ARID1A: variants seen among roughly 807,000 people sequenced by gnomAD.
ARID1A encodes AT-rich interaction domain 1A, also known as AT-rich interactive domain-containing protein 1A.
A neutral mutation model predicts 212.6 loss-of-function variants in ARID1A; 20 were observed. The observed-to-expected ratio is 0.09, with a 90% CI of 0.07 to 0.14. The LOEUF (loss-of-function observed/expected upper bound fraction) is 0.14. Among genes scored for constraint, ARID1A ranks in the 10% least tolerant of loss-of-function variants. The probability of loss-of-function intolerance (pLI) is 1.00; values close to 1 mark genes in which losing one functional copy is unlikely to be tolerated. For missense variants in ARID1A, 2,587 were observed against 3,059.0 expected (o/e 0.85, Z 3.64); for synonymous variants, 1,376 against 1,222.1 (o/e 1.13, Z -2.63).
chr1:26,709,439 G>A (rs1192729305), intron 1 of ARID1A, among the ~76,000 whole-genome samples: 1 of 152,088 alleles, frequency 6.6e-6, no homozygotes, highest in African/African-American at 2.4e-5. Context: ...GGCCAGAAGG[G>A]TGATGTAGGA....
intron 1 of ARID1A, among the ~76,000 whole-genome samples, chr1:26,702,658 A>G (rs2080342427): frequency 6.6e-6 from 1 of 152,180 alleles, no homozygotes; most frequent in Non-Finnish European, 1.5e-5. Context: ...TGGTGGAGTA[A>G]AATAACATTG....
chr1:26,703,649 G>T (rs1423802226), intron 1 of ARID1A, among the ~76,000 whole-genome samples: 2 of 152,156 alleles, frequency 1.3e-5, no homozygotes, highest in South Asian at 4.1e-4. Context: ...GCTTAATATT[G>T]CATGGTCCTT....
rs2124743559 is a variant in ARID1A, at chr1:26,697,189, G to C, written c.786G>C (p.Ser262=). 1 of 1,426,556 alleles carries C rather than the reference G, an allele frequency of 7.0e-7. No homozygotes were observed. Among genetic ancestry groups the C allele is most frequent in the Non-Finnish European group, 9.1e-7 (1 of 1,096,600 alleles). The allele number at this position is 1,426,556 out of a possible 1,614,324, so 88.4% of individuals were successfully genotyped here. The change falls in exon 1 of 20, where the codon TCG becomes TCC. Residue 262 remains serine (S), a synonymous_variant. Transcript: ENST00000324856. The stretch of plus-strand genomic sequence containing the variant: ...CCTCCAGCGCCTCCGCCTCCTCGTC[G>C]TCTTCGTCCTTCGCTCAGCAGCGCT... ...PPSSSASASS[S]SSSFAQQRFG... is the part of the protein sequence containing the mutation.
At chr1:26,714,773 C>T (rs1411886497) in intron 1 of ARID1A, among the ~76,000 whole-genome samples, 2 of 152,164 alleles carry the variant, frequency 1.3e-5, no homozygotes, top group African/African-American at 4.8e-5. Context: ...TTAATTGTGC[C>T]TGCTATAGTT....
At chr1:26,775,436 G>T in intron 18 of ARID1A, 141 bp from the exon 19 acceptor site, 1 of 1,399,400 alleles carries the variant, frequency 7.1e-7, no homozygotes, top group Non-Finnish European at 9.5e-7. Context: ...AGCCATGAGG[G>T]GCTGGTGTGT....
Position 26,766,270 on chromosome 1 carries a change from C to A in ARID1A, c.2782C>A (p.Pro928Thr), listed in dbSNP as rs762371741. 6.2e-7 allele frequency: 1 copy of A among 1,614,128 alleles called. No homozygotes were observed. Among genetic ancestry groups the A allele is most frequent in the Non-Finnish European group, 8.5e-7 (1 of 1,180,026 alleles). Residue 928 changes from proline to threonine, a missense_variant, in exon 9 of 20, where the codon CCT becomes ACT. Pro to Thr is a conservative substitution (Grantham distance 38, BLOSUM62 -1). Coordinates refer to ENST00000324856, the MANE Select transcript of ARID1A (RefSeq NM_006015.6). ...MNQGGMMGTG[P>T]PYGQGINSMA... Reference sequence around the variant, plus strand: ...TCAAGGGGGCATGATGGGAACTGGACCTCCTTATGGACAAGGGATTAATAG... The same window carrying A: ...TCAAGGGGGCATGATGGGAACTGGAACTCCTTATGGACAAGGGATTAATAG...
In ARID1A at chr1:26,763,018, A is replaced by T. The variant is rs146047233; in HGVS notation, c.2465A>T (p.Asn822Ile). The change falls in exon 8 of 20, where the codon AAC (asparagine) becomes ATC (isoleucine). Residue 822 changes from asparagine to isoleucine, a missense_variant. This residue lies in a region of ARID1A where 674 missense variants were observed against 813.4 expected (regional missense o/e 0.83). Transcript: ENST00000324856. ...AACTATAATGCCTTGCCCAATGCCA[A>T]CTACCCCAGTGCAGGCATGGCTGGA... ...QPNYNALPNA[N>I]YPSAGMAGGI... The T allele has an allele frequency of 6.2e-7, 1 of 1,610,396 alleles. No individual in the cohort carries two copies. Among genetic ancestry groups the T allele is most frequent in the Non-Finnish European group, 8.5e-7 (1 of 1,176,864 alleles).
At chr1:26,761,284 T>G in intron 5 of ARID1A, 100 bp from the exon 6 acceptor site, 1 of 1,489,688 alleles carries the variant, frequency 6.7e-7, no homozygotes, top group Non-Finnish European at 9.2e-7. Flanking sequence ...TGGGAGGTAC[T>G]TGGCCTCTTC....
chr1:26,718,394 T>C (rs2080524621), intron 1 of ARID1A, among the ~76,000 whole-genome samples: 1 of 152,216 alleles, frequency 6.6e-6, no homozygotes, highest in South Asian at 2.1e-4. Context: ...CTTAAGCCAC[T>C]GCCTAGAACT....
Position 26,731,539 on chromosome 1 carries a change from C to T in ARID1A, c.1738C>T (p.Pro580Ser), listed in dbSNP as rs202072242. 1 of 1,614,162 alleles carries T rather than the reference C, an allele frequency of 6.2e-7. No homozygotes were observed. Among genetic ancestry groups the T allele is most frequent in the Non-Finnish European group, 8.5e-7 (1 of 1,180,034 alleles). Residue 580 changes from proline to serine, a missense_variant, in exon 3 of 20, where the codon CCT becomes TCT. Coordinates refer to ENST00000324856, the MANE Select transcript of ARID1A (RefSeq NM_006015.6). The stretch of plus-strand genomic sequence containing the variant: ...GACGCTCTCCCAGCAGGCTGCGTAT[C>T]CTCAGCCCCAGTCTCAGCAGTCCCA... ...PSTLSQQAAYPQPQSQQSQQT... is the reference protein window; with the variant it reads ...PSTLSQQAAYSQPQSQQSQQT...
chr1:26,752,345 T>A (rs1022796909), intron 4 of ARID1A, among the ~76,000 whole-genome samples: 1 of 152,218 alleles, frequency 6.6e-6, no homozygotes, highest in Non-Finnish European at 1.5e-5. Context: ...TCACAGCAGT[T>A]CTGTAACTTT....
rs913603508 is a variant in ARID1A at position 26,697,615 on chromosome 1, A to G, written c.1137+75A>G. ...GGGTGGCGGCTGCGGTGAGCGGGCC[A>G]CAGCCTTGGGCTCCCCTCAGTCCCG... is the stretch of plus-strand genomic sequence containing the variant. On this transcript the variant is annotated intron_variant, in intron 1 of 19. Coordinates refer to ENST00000324856, the MANE Select transcript of ARID1A (RefSeq NM_006015.6). 1.9e-5 allele frequency: 24 copies of G among 1,240,874 alleles called. No homozygotes were observed. The African/African-American group carries it at 2.4e-4, about 12-fold the overall frequency. 76.9% of individuals were successfully genotyped at this position (1,240,874 alleles called of 1,614,324 possible). A position where few individuals can be genotyped will look rare whatever the true frequency, so the allele number is the denominator to read the frequency against.
intron 4 of ARID1A, among the ~76,000 whole-genome samples, chr1:26,742,354 G>A (rs571177020): frequency 2.0e-5 from 3 of 152,300 alleles, no homozygotes; most frequent in East Asian, 3.9e-4. Context: ...CTAGGGAATC[G>A]CCTCAAACAG....
intron 4 of ARID1A, among the ~76,000 whole-genome samples, chr1:26,753,697 A>G (rs1163368908): frequency 6.6e-6 from 1 of 152,216 alleles, no homozygotes; most frequent in Admixed American, 6.5e-5. Context: ...GAGGAGAACA[A>G]ACCCGGGAAA....
At chr1:26,740,454 T>C (rs1264361143) in intron 4 of ARID1A, among the ~76,000 whole-genome samples, 1 of 152,140 alleles carries the variant, frequency 6.6e-6, no homozygotes, top group Non-Finnish European at 1.5e-5. Flanking sequence ...GAGCTAGATG[T>C]GGATGTATTT....
Position 26,774,457 on chromosome 1 carries a change from C to A in ARID1A, c.4230C>A (p.Pro1410=), listed in dbSNP as rs753788131. The A allele has an allele frequency of 2.5e-6, 4 of 1,613,762 alleles. No individual in the cohort carries two copies. The highest frequency in any genetic ancestry group is 3.4e-6 in the Non-Finnish European group (4 of 1,179,834). Residue 1410 remains proline, a synonymous_variant, in exon 18 of 20, where the codon CCC becomes CCA. Transcript: ENST00000324856. This position sits in a 1 kb window ranked among gnomAD's most constrained non-coding sequence, Gnocchi z 5.6. ...AGCAGCAGTTGCCCCCAGCCCAGCCCCAGCCTGCCAGCCAGCAACAAGCTG... is the reference window on the plus strand; with the variant it reads ...AGCAGCAGTTGCCCCCAGCCCAGCCACAGCCTGCCAGCCAGCAACAAGCTG... ...PQQQQLPPAQ[P]QPASQQQAAQ... is the part of the protein sequence containing the mutation.
intron 4 of ARID1A, among the ~76,000 whole-genome samples, chr1:26,737,960 C>T (rs1170120738): frequency 6.6e-6 from 1 of 151,900 alleles, no homozygotes; most frequent in Non-Finnish European, 1.5e-5. Flanking sequence ...GCAGCTGTCC[C>T]AGGTGAATCC....
intron 1 of ARID1A, 109 bp downstream of exon 1, chr1:26,697,649 C>T (rs929265814): frequency 1.2e-4 from 130 of 1,083,602 alleles, no homozygotes; most frequent in Non-Finnish European, 1.5e-4. Flanking sequence ...CGGGCCCCCA[C>T]TGCTGGGGAG....
intron 1 of ARID1A, among the ~76,000 whole-genome samples, chr1:26,702,247 T>C (rs1011339301): frequency 6.6e-6 from 1 of 152,212 alleles, no homozygotes; most frequent in Non-Finnish European, 1.5e-5. Flanking sequence ...GGTGCATTTG[T>C]TGTTTCTCAT....
Sources: gnomAD v4.1 joint callset for allele counts (sites outside exome capture counted in the v4.1 genomes callset) on GRCh38, gnomAD v4.1.1 for gene constraint, gnomAD v4.1.1 regional missense constraint, Gnocchi (gnomAD v3.1) non-coding constraint, MANE v1.5 for transcripts, NCBI Gene and HGNC (gene_info 2026-07-23, HGNC 2026-07-21) for gene names.